Variants in CCDC178 observed in about 807,000 individuals in gnomAD.
CCDC178 encodes coiled-coil domain-containing protein 178.
CCDC178 carries 126 observed loss-of-function variants against 117.4 expected under a neutral mutation model. The observed-to-expected ratio is 1.07, with a 90% CI of 0.93 to 1.24. The LOEUF is 1.24. CCDC178 is among the 50% of genes most tolerant of loss of function. CCDC178 has a pLI of 0.00. For missense variants in CCDC178, 1,030 were observed against 986.9 expected, an observed-to-expected ratio of 1.04 and a Z score of -0.59; for synonymous variants, 283 against 313.4, an observed-to-expected ratio of 0.90 and a Z score of 1.02.
intron 6 of CCDC178, 51 bp downstream of exon 6, chr18:33,369,999 G>C (rs757936123): frequency 9.7e-6 from 14 of 1,447,500 alleles, no homozygotes; most frequent in South Asian, 8.5e-5. Flanking sequence ...CCAATCCTTA[G>C]AGGGTCGATA....
chr18:32,988,018 A>C (rs2055300288), intron 21 of CCDC178, among the ~76,000 whole-genome samples: 2 of 151,690 alleles, frequency 1.3e-5, no homozygotes, highest in Admixed American at 1.3e-4. Flanking sequence ...CAGAGGTTGC[A>C]GTGAGCGGAG....
Position 33,104,632 on chromosome 18 carries a change from A to G in CCDC178, c.2239-11722T>C, listed in dbSNP as rs144188171. On this transcript the variant is annotated intron_variant, in intron 20 of 22. Coordinates refer to ENST00000383096, the MANE Select transcript of CCDC178 (RefSeq NM_001105528.4). ...GAAATAGAAATACGTCAAAAAACTA[A>G]AAATCTCTGGGGAAATATTGAATGA... 1.9e-3 allele frequency among the ~76,000 whole-genome samples: 283 copies of G among 151,848 alleles called. 1 individual carries two copies. The highest frequency in any genetic ancestry group is 6.3e-3 in the African/African-American group (263 of 41,514).
chr18:33,068,537 T>G (rs1035422833), intron 21 of CCDC178, among the ~76,000 whole-genome samples: 1 of 151,160 alleles, frequency 6.6e-6, no homozygotes, highest in African/African-American at 2.4e-5. Context: ...ATAAACGTGA[T>G]GGATAACATC....
At chr18:33,301,221 T>C (rs1404361183) in intron 11 of CCDC178, among the ~76,000 whole-genome samples, 2 of 152,138 alleles carry the variant, frequency 1.3e-5, no homozygotes, top group East Asian at 3.9e-4. Context: ...TCCACCATGG[T>C]GTTAAGCCTG....
At chr18:33,024,864 G>A (rs936785410) in intron 21 of CCDC178, among the ~76,000 whole-genome samples, 8 of 151,264 alleles carry the variant, frequency 5.3e-5, no homozygotes, top group African/African-American at 1.5e-4. Flanking sequence ...TGTTACCCAG[G>A]ATGGTCTTGA....
intron 20 of CCDC178, among the ~76,000 whole-genome samples, chr18:33,205,870 C>T (rs1033018401): frequency 6.6e-6 from 1 of 152,034 alleles, no homozygotes; most frequent in Admixed American, 6.6e-5. Context: ...AATTTTTGTA[C>T]TTTTTGTAGT....
At chr18:33,398,134 A>T (rs1008630530) in intron 3 of CCDC178, among the ~76,000 whole-genome samples, 8 of 152,040 alleles carry the variant, frequency 5.3e-5, no homozygotes, top group Admixed American at 1.3e-4. Context: ...TTTGTAGTGG[A>T]GAGAGGGCCT....
At chr18:33,291,277 A>G (rs2060163209) in intron 12 of CCDC178, among the ~76,000 whole-genome samples, 2 of 152,182 alleles carry the variant, frequency 1.3e-5, no homozygotes, top group African/African-American at 4.8e-5. Context: ...AGAAGTTACC[A>G]TAAAGAAATG....
rs2063933737 is a variant in CCDC178, at chr18:33,415,880, G to T, written c.-22-3770C>A. Among the ~76,000 whole-genome samples, 3 of 152,270 alleles carry T rather than the reference G, an allele frequency of 2.0e-5. No homozygotes were observed. The South Asian group carries it at 6.2e-4, about 32-fold the overall frequency. ...TAAGAAGACTGAAAGGTGTAGAGAA[G>T]AAGGCAGACTAGCTAGGAGACTTGT... On this transcript the variant is annotated intron_variant, in intron 2 of 22. Coordinates refer to ENST00000383096, the MANE Select transcript of CCDC178 (RefSeq NM_001105528.4).
At chr18:32,947,386 T>C (rs113338617) in intron 22 of CCDC178, among the ~76,000 whole-genome samples, 1 of 152,334 alleles carries the variant, frequency 6.6e-6, no homozygotes, top group African/African-American at 2.4e-5. Context: ...GTATTTTAAT[T>C]GTAGCCATTC....
At chr18:33,375,853 A>C (rs944938402) in intron 5 of CCDC178, among the ~76,000 whole-genome samples, 1 of 152,214 alleles carries the variant, frequency 6.6e-6, no homozygotes, top group Non-Finnish European at 1.5e-5. Context: ...CAGCAACTTC[A>C]ATTCTTGCCT....
At chr18:33,209,849 A>G (rs1403450623) in intron 20 of CCDC178, among the ~76,000 whole-genome samples, 2 of 152,014 alleles carry the variant, frequency 1.3e-5, no homozygotes, top group Non-Finnish European at 2.9e-5. Flanking sequence ...TAAGTGCTAG[A>G]AAGCAATAGA....
intron 15 of CCDC178, among the ~76,000 whole-genome samples, chr18:33,230,622 T>TA (rs899909450): frequency 9.9e-5 from 15 of 152,244 alleles, no homozygotes; most frequent in African/African-American, 2.9e-4. Flanking sequence ...TGTTATTTTT[T>TA]AAAAAAAATC....
chr18:33,419,185 G>A (rs189465916), intron 2 of CCDC178, among the ~76,000 whole-genome samples: 5 of 152,162 alleles, frequency 3.3e-5, no homozygotes, highest in African/African-American at 7.2e-5. Context: ...AACAAGCAAC[G>A]GAGAAAGGAC....
In CCDC178 at chr18:33,223,104, A is replaced by T; in HGVS notation, c.1932+2T>A. 5.3e-5 allele frequency: 77 copies of T among 1,450,984 alleles called. No individual in the cohort carries two copies. The highest frequency in any genetic ancestry group is 7.0e-5 in the Non-Finnish European group (73 of 1,042,060). 89.9% of individuals were successfully genotyped at this position (1,450,984 alleles called of 1,614,324 possible). A position where few individuals can be genotyped will look rare whatever the true frequency, so the allele number is the denominator to read the frequency against. Reference sequence around the variant, plus strand: ...AATTAGATTCTGAACTTAAATTCTTACCTCAGTTTCTATTAATGCATCAAG... The same window carrying T: ...AATTAGATTCTGAACTTAAATTCTTTCCTCAGTTTCTATTAATGCATCAAG... On this transcript the variant is annotated splice_donor_variant, in intron 18 of 22. Transcript: ENST00000383096. LOFTEE classifies it high-confidence loss of function.
intron 21 of CCDC178, among the ~76,000 whole-genome samples, chr18:33,036,656 G>A (rs565970895): frequency 6.6e-6 from 1 of 151,988 alleles, no homozygotes; most frequent in African/African-American, 2.4e-5. Flanking sequence ...CACACAACTC[G>A]GTAATGCGAG....
chr18:33,387,798 T>C (rs11877237), intron 5 of CCDC178, among the ~76,000 whole-genome samples: 1,688 of 152,284 alleles, frequency 0.011, 32 homozygotes, highest in African/African-American at 0.038. Flanking sequence ...GACATAGGCA[T>C]GGAGAAAGAC....
chr18:33,036,078 C>A (rs1039775728), intron 21 of CCDC178, among the ~76,000 whole-genome samples: 1 of 151,678 alleles, frequency 6.6e-6, no homozygotes, highest in African/African-American at 2.4e-5. Flanking sequence ...AACTTTACTA[C>A]AATTTGAAAC....
At chr18:33,240,942 A>C (rs959546456) in intron 15 of CCDC178, among the ~76,000 whole-genome samples, 8 of 151,840 alleles carry the variant, frequency 5.3e-5, no homozygotes, top group Non-Finnish European at 1.0e-4. Flanking sequence ...AGAGGCAATA[A>C]CTTAAACAAA....
Sources: gnomAD v4.1 joint callset for allele counts (sites outside exome capture counted in the v4.1 genomes callset) on GRCh38, gnomAD v4.1.1 for gene constraint, MANE v1.5 for transcripts, NCBI Gene and HGNC (gene_info 2026-07-23, HGNC 2026-07-21) for gene names.